The following ASCC1 variants were observed in gnomAD, a reference collection of about 807,000 sequenced individuals.
The protein encoded by ASCC1 is ASC-1 complex subunit P50.
A neutral mutation model predicts 46.6 loss-of-function variants in ASCC1; 35 were observed. The observed-to-expected ratio is 0.75, with a 90% CI of 0.57 to 0.99. The LOEUF is 0.99. Among genes scored for constraint, ASCC1 ranks in the 50% least tolerant of loss-of-function variants. The pLI, the probability that ASCC1 is intolerant of heterozygous loss-of-function variation, is 0.00. For missense variants in ASCC1, 376 were observed against 428.7 expected (o/e 0.88, Z 1.09); for synonymous variants, 143 against 146.6 (o/e 0.98, Z 0.18).
At chr10:72,198,818 GTTTA>G (rs1332386724) in intron 4 of ASCC1, among the ~76,000 whole-genome samples, 1 of 152,056 alleles carries the variant, frequency 6.6e-6, no homozygotes, top group African/African-American at 2.4e-5. Flanking sequence ...CAATAAGCCA[GTTTA>G]TTTATTTTAT....
intron 5 of ASCC1, among the ~76,000 whole-genome samples, chr10:72,191,235 T>A (rs1215044253): frequency 0.015 from 2,177 of 147,988 alleles, 68 homozygotes; most frequent in African/African-American, 0.052. Context: ...TTTTTTTTTT[T>A]TTTGTATTTT....
At chr10:72,196,040 A>G (rs1294468947) in intron 5 of ASCC1, among the ~76,000 whole-genome samples, 1 of 152,164 alleles carries the variant, frequency 6.6e-6, no homozygotes, top group Non-Finnish European at 1.5e-5. Flanking sequence ...CTGATATCCA[A>G]AATGAGTTTA....
At chr10:72,100,243 T>A (rs1002870816) in intron 9 of ASCC1, among the ~76,000 whole-genome samples, 3 of 151,176 alleles carry the variant, frequency 2.0e-5, no homozygotes, top group Non-Finnish European at 4.4e-5. Context: ...TTTTTTTTTT[T>A]AGACGGACTC....
At chr10:72,184,234 A>C (rs1230623130) in intron 5 of ASCC1, among the ~76,000 whole-genome samples, 1 of 151,372 alleles carries the variant, frequency 6.6e-6, no homozygotes, top group Non-Finnish European at 1.5e-5. Flanking sequence ...AGAACAAAGA[A>C]GACCAAAAAA....
intron 3 of ASCC1, among the ~76,000 whole-genome samples, chr10:72,205,211 C>T (rs532855774): frequency 1.4e-4 from 22 of 152,266 alleles, no homozygotes; most frequent in African/African-American, 5.3e-4. Context: ...TGGCTCATGC[C>T]TGTAATCCCA....
chr10:72,118,713 A>T (rs2132108905), intron 9 of ASCC1, among the ~76,000 whole-genome samples: 1 of 152,158 alleles, frequency 6.6e-6, no homozygotes, highest in African/African-American at 2.4e-5. Flanking sequence ...TGGGAGGCAG[A>T]TGCTGCAGTG....
Position 72,096,247 on chromosome 10 carries a change from GGCTCCCC to G in ASCC1, c.*1080_*1086del. ...TGAGGAGGCAGGGGTGGGAGGCTGG[GGCTCCCC>G]AGCATTCCCGCCTCCCTCTGCTGGT... On this transcript the variant is annotated 3_prime_UTR_variant, in exon 10 of 10. Coordinates refer to ENST00000672957, the MANE Select transcript of ASCC1 (RefSeq NM_001198800.3). 1 of 454,104 alleles carries G rather than the reference GGCTCCCC, an allele frequency of 2.2e-6. No homozygotes were observed. The highest frequency in any genetic ancestry group is 4.4e-6 in the Non-Finnish European group (1 of 226,786). The allele number at this position is 454,104 out of a possible 1,614,324, so 28.1% of individuals were successfully genotyped here. A position where few individuals can be genotyped will look rare whatever the true frequency, so the allele number is the denominator to read the frequency against.
chr10:72,162,915 C>A (rs1039912184), intron 5 of ASCC1, among the ~76,000 whole-genome samples: 3 of 146,118 alleles, frequency 2.1e-5, no homozygotes, highest in Non-Finnish European at 4.4e-5. Flanking sequence ...TGCACTCCAG[C>A]CTGGGTGACA....
intron 5 of ASCC1, among the ~76,000 whole-genome samples, chr10:72,168,341 C>T (rs1484026526): frequency 6.6e-6 from 1 of 152,104 alleles, no homozygotes; most frequent in African/African-American, 2.4e-5. Flanking sequence ...TAATTTTGCT[C>T]ATTTAAAAAA....
At chr10:72,205,275 GCCTGGCCAACATGGCGAAAC>G (rs557407202) in intron 3 of ASCC1, among the ~76,000 whole-genome samples, 52 of 152,312 alleles carry the variant, frequency 3.4e-4, no homozygotes, top group African/African-American at 1.2e-3. Flanking sequence ...TTCAAGACCA[GCCTGGCCAACATGGCGAAAC>G]CCTGTCTCTA....
chr10:72,202,737 A>G (rs1357587689), intron 4 of ASCC1, among the ~76,000 whole-genome samples: 1 of 152,174 alleles, frequency 6.6e-6, no homozygotes, highest in Non-Finnish European at 1.5e-5. Context: ...TTGAGAGCAC[A>G]ATGGAAAAGG....
chr10:72,197,046 AG>A, intron 4 of ASCC1, 57 bp from the exon 5 acceptor site: 1 of 1,572,912 alleles, frequency 6.4e-7, no homozygotes, highest in Non-Finnish European at 8.7e-7. Context: ...CTTATAAAAC[AG>A]GACCTCTTGA....
rs116422783 is a variant in ASCC1, at chr10:72,101,244, C to T, written c.958-3794G>A. Among the ~76,000 whole-genome samples, 977 of 152,152 alleles carry T rather than the reference C, an allele frequency of 6.4e-3. 8 individuals are homozygous for T. The highest frequency in any genetic ancestry group is 0.022 in the African/African-American group (932 of 41,448). ...TCCATCTTATGAAAAGTCACTGAGT[C>T]CTTTACTCTGTGATCTGTGTAGCTT... On this transcript the variant is annotated intron_variant, in intron 9 of 9. Coordinates refer to ENST00000672957, the MANE Select transcript of ASCC1 (RefSeq NM_001198800.3).
intron 9 of ASCC1, among the ~76,000 whole-genome samples, chr10:72,110,142 C>T (rs950381506): frequency 9.2e-5 from 14 of 152,152 alleles, no homozygotes; most frequent in African/African-American, 3.4e-4. Context: ...AAATTCTCTC[C>T]CTTAGAAAAA....
intron 9 of ASCC1, among the ~76,000 whole-genome samples, chr10:72,116,707 GC>G (rs1190569226): frequency 6.6e-6 from 1 of 152,090 alleles, no homozygotes; most frequent in African/African-American, 2.4e-5. Flanking sequence ...TTCAGTTATT[GC>G]CTTTTATAGA....
intron 5 of ASCC1, among the ~76,000 whole-genome samples, chr10:72,169,908 T>G (rs1196582512): frequency 6.6e-6 from 1 of 152,100 alleles, no homozygotes; most frequent in Non-Finnish European, 1.5e-5. Context: ...TCACCTGAGA[T>G]CAGGAGTTCG....
At position 72,096,752 on chromosome 10, in the gene ASCC1, C is replaced by T; in HGVS notation, c.*582G>A. 1 of 454,036 alleles carries T rather than the reference C, an allele frequency of 2.2e-6. No homozygotes were observed. Among genetic ancestry groups the T allele is most frequent in the Non-Finnish European group, 4.4e-6 (1 of 226,762 alleles). 28.1% of individuals were successfully genotyped at this position (454,036 alleles called of 1,614,324 possible). ...ATAATACAGGAAGGAAATCCTGTCA[C>T]CTGACACAACATGGATGAACCTTGA... On this transcript the variant is annotated 3_prime_UTR_variant, in exon 10 of 10. Transcript: ENST00000672957.
At chr10:72,099,712 C>T (rs141562664) in intron 9 of ASCC1, among the ~76,000 whole-genome samples, 1 of 152,048 alleles carries the variant, frequency 6.6e-6, no homozygotes, top group Non-Finnish European at 1.5e-5. Flanking sequence ...CGCAGCTACC[C>T]GGGAGACTGA....
At chr10:72,166,993 G>A (rs1446207650) in intron 5 of ASCC1, among the ~76,000 whole-genome samples, 2 of 152,112 alleles carry the variant, frequency 1.3e-5, no homozygotes, top group African/African-American at 2.4e-5. Context: ...ATATAAATTT[G>A]TAAAACAGCA....
Sources: allele counts gnomAD v4.1 joint callset (sites outside exome capture counted in the v4.1 genomes callset), GRCh38; gene constraint gnomAD v4.1.1; transcripts MANE v1.5; gene names NCBI Gene and HGNC (gene_info 2026-07-23, HGNC 2026-07-21).